The following LAPTM4B variants were observed in gnomAD, a reference collection of about 807,000 sequenced individuals.
LAPTM4B encodes the protein lysosomal-associated transmembrane protein 4B.
Under a neutral mutation model 28.5 loss-of-function variants are expected in LAPTM4B, and 26 were observed. The ratio of observed to expected loss-of-function variants is 0.91; its 90% confidence interval spans 0.67 to 1.27. The LOEUF (loss-of-function observed/expected upper bound fraction) is 1.27. Among genes scored for constraint, LAPTM4B ranks in the 50% most tolerant of loss-of-function variants. LAPTM4B has a pLI of 0.00. For missense variants in LAPTM4B, 288 were observed against 285.8 expected (o/e 1.01, Z -0.06); for synonymous variants, 109 against 106.4 (o/e 1.02, Z -0.15).
At chr8:97,837,676 G>C (rs1817283212) in intron 6 of LAPTM4B, among the ~76,000 whole-genome samples, 1 of 152,028 alleles carries the variant, frequency 6.6e-6, no homozygotes, top group African/African-American at 2.4e-5. Flanking sequence ...ACCAAATTCA[G>C]GTACATTAAA....
intron 6 of LAPTM4B, among the ~76,000 whole-genome samples, chr8:97,836,512 A>G (rs1448167817): frequency 6.6e-6 from 1 of 152,030 alleles, no homozygotes; most frequent in African/African-American, 2.4e-5. Flanking sequence ...TATTTCTTAA[A>G]CCTATGTGAC....
intron 1 of LAPTM4B, among the ~76,000 whole-genome samples, chr8:97,783,072 C>CT (rs10605324): frequency 0.42 from 52,921 of 127,400 alleles, 11,526 homozygotes; most frequent in East Asian, 0.66. Context: ...CGCGCCCGGC[C>CT]TTTTTTTTTT....
At chr8:97,847,980 C>G (rs781425829) in intron 6 of LAPTM4B, among the ~76,000 whole-genome samples, 1 of 152,178 alleles carries the variant, frequency 6.6e-6, no homozygotes, top group Non-Finnish European at 1.5e-5. Flanking sequence ...TATTAAAGTA[C>G]TGGCTGGGCA....
In LAPTM4B at chr8:97,814,749, A is replaced by G. The variant is rs527752518; in HGVS notation, c.212-579A>G. 8.3e-4 allele frequency among the ~76,000 whole-genome samples: 105 copies of G among 126,978 alleles called. 1 individual carries two copies. In the South Asian group the frequency reaches 0.026, roughly 31 times the overall value. The allele number at this position is 126,978 out of a possible 152,430, so 83.3% of individuals were successfully genotyped here. The stretch of plus-strand genomic sequence containing the variant: ...CGCTCTATCGCCCAGACCGGAGTGC[A>G]GTGGCGCGATCTCGGCTCACTGCAA... On this transcript the variant is annotated intron_variant, in intron 2 of 6. Coordinates refer to ENST00000521545, the MANE Select transcript of LAPTM4B (RefSeq NM_018407.6).
chr8:97,801,560 T>C (rs187928343), intron 1 of LAPTM4B, among the ~76,000 whole-genome samples: 42 of 152,176 alleles, frequency 2.8e-4, no homozygotes, highest in Admixed American at 1.0e-3. Context: ...TTCTCAAAAA[T>C]AAGAGTATAG....
intron 6 of LAPTM4B, among the ~76,000 whole-genome samples, chr8:97,832,356 C>T (rs1817193644): frequency 1.3e-5 from 2 of 152,146 alleles, no homozygotes; most frequent in South Asian, 2.1e-4. Flanking sequence ...GGGCCATGGT[C>T]GAATGCCAGC....
At chr8:97,776,787 T>A (rs1816227683) in intron 1 of LAPTM4B, among the ~76,000 whole-genome samples, 1 of 152,068 alleles carries the variant, frequency 6.6e-6, no homozygotes, top group South Asian at 2.1e-4. Context: ...TCCACCCACA[T>A]TTTTCCTGCC....
chr8:97,825,435 T>C (rs1817077841), intron 6 of LAPTM4B, among the ~76,000 whole-genome samples: 1 of 152,244 alleles, frequency 6.6e-6, no homozygotes, highest in African/African-American at 2.4e-5. Context: ...TGTAATTATT[T>C]ATCTTAAACC....
At chr8:97,849,906 G>C (rs931564120) in intron 6 of LAPTM4B, among the ~76,000 whole-genome samples, 6 of 149,070 alleles carry the variant, frequency 4.0e-5, no homozygotes, top group Non-Finnish European at 5.9e-5. Flanking sequence ...CGGAGACAGC[G>C]GTGGCAGCGC....
At chr8:97,782,816 C>G (rs932956372) in intron 1 of LAPTM4B, among the ~76,000 whole-genome samples, 7 of 151,962 alleles carry the variant, frequency 4.6e-5, no homozygotes, top group African/African-American at 1.7e-4. Flanking sequence ...ACTGCAGCCT[C>G]CGCCTCTTGG....
At position 97,775,937 on chromosome 8, in the gene LAPTM4B, C is replaced by T; in HGVS notation, c.-73C>T. 1 of 1,451,680 alleles carries T rather than the reference C, an allele frequency of 6.9e-7. No homozygotes were observed. The highest frequency in any genetic ancestry group is 1.4e-5 in the South Asian group (1 of 70,572). 89.9% of individuals were successfully genotyped at this position (1,451,680 alleles called of 1,614,324 possible). On this transcript the variant is annotated 5_prime_UTR_variant, in exon 1 of 7. Coordinates refer to ENST00000521545, the MANE Select transcript of LAPTM4B (RefSeq NM_018407.6). ...GGCGGAGGAGCCGGCAGCAGCGGCG[C>T]GGCGGGCTCCAGGCGAGGCGGTCGA...
intron 6 of LAPTM4B, among the ~76,000 whole-genome samples, chr8:97,845,795 A>G (rs567469071): frequency 1.3e-4 from 20 of 150,510 alleles, no homozygotes; most frequent in African/African-American, 4.6e-4. Context: ...CCAAGAACCC[A>G]TGATCACAAT....
intron 1 of LAPTM4B, among the ~76,000 whole-genome samples, chr8:97,801,450 A>G (rs1475669161): frequency 1.3e-5 from 2 of 152,176 alleles, no homozygotes; most frequent in Admixed American, 6.5e-5. Flanking sequence ...CTAAAGTGCT[A>G]GGATTACAGG....
intron 1 of LAPTM4B, among the ~76,000 whole-genome samples, chr8:97,784,162 C>T (rs564843585): frequency 1.3e-5 from 2 of 152,258 alleles, no homozygotes; most frequent in African/African-American, 4.8e-5. Context: ...AACCCTGGGT[C>T]ACGCATGATA....
At chr8:97,787,953 C>T (rs1314074002) in intron 1 of LAPTM4B, among the ~76,000 whole-genome samples, 1 of 152,162 alleles carries the variant, frequency 6.6e-6, no homozygotes, top group Non-Finnish European at 1.5e-5. Context: ...CCTGCGCCAG[C>T]CTCCCAAGTA....
At chr8:97,790,917 T>G (rs1045077019) in intron 1 of LAPTM4B, among the ~76,000 whole-genome samples, 10 of 152,186 alleles carry the variant, frequency 6.6e-5, no homozygotes, top group African/African-American at 2.2e-4. Flanking sequence ...GCTTTTTGTT[T>G]TTTTGAGACA....
intron 1 of LAPTM4B, among the ~76,000 whole-genome samples, chr8:97,776,636 T>G (rs1816222349): frequency 6.6e-6 from 1 of 152,152 alleles, no homozygotes; most frequent in Non-Finnish European, 1.5e-5. Flanking sequence ...CCGTCGCACG[T>G]TCGGATCCCG....
intron 5 of LAPTM4B, among the ~76,000 whole-genome samples, chr8:97,821,536 TGTGGATGTAGGG>T (rs1817002634): frequency 1.4e-5 from 2 of 144,288 alleles, no homozygotes; most frequent in African/African-American, 5.9e-5. Flanking sequence ...AGTGAGGACG[TGTGGATGTAGGG>T]GTGGACAGGT....
At chr8:97,833,361 TA>T (rs1817213952) in intron 6 of LAPTM4B, among the ~76,000 whole-genome samples, 2 of 152,148 alleles carry the variant, frequency 1.3e-5, no homozygotes, top group African/African-American at 4.8e-5. Flanking sequence ...CTCAATCAAT[TA>T]ATCACTCAAT....
Sources: gnomAD v4.1 joint callset for allele counts (sites outside exome capture counted in the v4.1 genomes callset) on GRCh38, gnomAD v4.1.1 for gene constraint, MANE v1.5 for transcripts, NCBI Gene and HGNC (gene_info 2026-07-23, HGNC 2026-07-21) for gene names.